Variants in PATJ observed in about 807,000 individuals in gnomAD.
PATJ encodes PATJ crumbs cell polarity complex component, also known as inaD-like protein.
A neutral mutation model predicts 224.9 loss-of-function variants in PATJ; 190 were observed. That is an observed-to-expected ratio of 0.84 (90% confidence interval 0.75 to 0.95). The LOEUF (loss-of-function observed/expected upper bound fraction) is 0.95. Ranked by LOEUF, PATJ falls within the 40% of genes least tolerant of loss-of-function variation. PATJ has a pLI of 0.00. For missense variants in PATJ, 2,121 were observed against 2,270.3 expected (o/e 0.93, Z 1.34); for synonymous variants, 769 against 820.3 (o/e 0.94, Z 1.07).
At chr1:61,967,611 C>T (rs900359688) in intron 27 of PATJ, among the ~76,000 whole-genome samples, 1 of 152,198 alleles carries the variant, frequency 6.6e-6, no homozygotes, top group Admixed American at 6.5e-5. Flanking sequence ...TTTAATCCTT[C>T]TCAGCTTCAC....
chr1:62,081,325 T>G (rs1659252624), intron 32 of PATJ, among the ~76,000 whole-genome samples: 1 of 152,082 alleles, frequency 6.6e-6, no homozygotes. Context: ...CTATAGAAAT[T>G]TTATTCATTT....
In PATJ at chr1:62,070,961, G is replaced by A. The variant is rs10399881; in HGVS notation, c.4126-8489G>A. 6.8e-3 allele frequency among the ~76,000 whole-genome samples: 1,033 copies of A among 152,222 alleles called. 8 individuals carry two copies. Among genetic ancestry groups the A allele is most frequent in the African/African-American group, 0.024 (1,001 of 41,526 alleles). On this transcript the variant is annotated intron_variant, in intron 31 of 43. Transcript: ENST00000642238. ...ACAATGAACAGCTGGGCATAACTTG[G>A]TCACTATCTATTGTATTGTTATACA... is the stretch of plus-strand genomic sequence containing the variant.
At chr1:61,857,606 C>T (rs1225016430) in intron 18 of PATJ, among the ~76,000 whole-genome samples, 2 of 152,204 alleles carry the variant, frequency 1.3e-5, no homozygotes, top group Non-Finnish European at 2.9e-5. Flanking sequence ...TGCCCCCTGG[C>T]TTTGCTATGA....
At chr1:61,998,781 T>C (rs7354833) in intron 28 of PATJ, among the ~76,000 whole-genome samples, 46,264 of 151,968 alleles carry the variant, frequency 0.3, 7,626 homozygotes, top group East Asian at 0.47. Flanking sequence ...TCATTCTTTT[T>C]TGTTTCCTGC....
intron 37 of PATJ, chr1:62,120,777 A>C (rs41289432): frequency 1.8e-5 from 3 of 163,226 alleles, no homozygotes; most frequent in African/African-American, 7.2e-5. Context: ...AGCAAAATAC[A>C]TAATACATTT....
At chr1:62,022,811 C>G (rs1368542655) in intron 29 of PATJ, among the ~76,000 whole-genome samples, 4 of 152,194 alleles carry the variant, frequency 2.6e-5, no homozygotes, top group Non-Finnish European at 5.9e-5. Flanking sequence ...TAAAAGTGGA[C>G]TCACCATGGG....
intron 25 of PATJ, among the ~76,000 whole-genome samples, chr1:61,912,064 C>T (rs1022670098): frequency 6.6e-6 from 1 of 151,224 alleles, no homozygotes; most frequent in African/African-American, 2.4e-5. Flanking sequence ...TGTTTATCAT[C>T]ACGTGTTGCT....
At position 62,148,392 on chromosome 1, in the gene PATJ, T is replaced by C; in HGVS notation, c.5378+2T>C. On this transcript the variant is annotated splice_donor_variant, in intron 42 of 43. Coordinates refer to ENST00000642238, the MANE Select transcript of PATJ (RefSeq NM_001350145.3). LOFTEE classifies it high-confidence loss of function. ...TGAACACCATCCAGAAGACACAGAG[T>C]GAGTATTTCAGATGCAGAGGGCCTA... is the stretch of plus-strand genomic sequence containing the variant. The C allele has an allele frequency of 1.2e-6, 2 of 1,604,196 alleles. No individual in the cohort carries two copies. Among genetic ancestry groups the C allele is most frequent in the Non-Finnish European group, 1.7e-6 (2 of 1,171,422 alleles).
chr1:61,995,884 G>T (rs1027855856), intron 28 of PATJ, among the ~76,000 whole-genome samples: 5 of 152,186 alleles, frequency 3.3e-5, no homozygotes, highest in African/African-American at 1.2e-4. Context: ...TCCCTTCAGT[G>T]CCAATGTAGG....
intron 43 of PATJ, among the ~76,000 whole-genome samples, chr1:62,160,141 T>A (rs192085589): frequency 3.3e-5 from 5 of 152,246 alleles, no homozygotes; most frequent in Non-Finnish European, 5.9e-5. Flanking sequence ...AATCATTTTT[T>A]AAGGTCTTTT....
chr1:61,784,660 AT>A (rs948033388), intron 7 of PATJ, among the ~76,000 whole-genome samples: 4 of 152,294 alleles, frequency 2.6e-5, no homozygotes, highest in Admixed American at 6.5e-5. Flanking sequence ...AGACATATAT[AT>A]TTTTTAATTT....
At chr1:61,911,696 T>TATATATATATATATATATATATATATC (rs1672672915) in intron 25 of PATJ, among the ~76,000 whole-genome samples, 1 of 71,376 alleles carries the variant, frequency 1.4e-5, no homozygotes, top group South Asian at 4.8e-4. Context: ...TATATATTTT[T>TATATATATATATATATATATATATATC]ATATATATAT....
Position 62,114,252 on chromosome 1 carries a change from GA to G in PATJ, c.4655+7del. On this transcript the variant is annotated splice_region_variant and intron_variant, in intron 35 of 43. Transcript: ENST00000642238. ...CTGAGCATCGTTGGGAAACGGTAAA[GA>G]CGTGCTGTGGGAGTTGGGATCTGCC... 2 of 1,613,412 alleles carry G rather than the reference GA, an allele frequency of 1.2e-6. No individual in the cohort carries two copies. The highest frequency in any genetic ancestry group is 3.3e-5 in the Admixed American group (2 of 59,838).
At chr1:62,058,459 C>T (rs1050093021) in intron 31 of PATJ, among the ~76,000 whole-genome samples, 5 of 152,152 alleles carry the variant, frequency 3.3e-5, no homozygotes, top group African/African-American at 1.2e-4. Context: ...ACTTGCTTTT[C>T]CAGATGAAAA....
intron 16 of PATJ, among the ~76,000 whole-genome samples, chr1:61,828,401 G>GTTTT (rs34139565): frequency 7.1e-6 from 1 of 141,054 alleles, no homozygotes. Flanking sequence ...TATGAAAAGA[G>GTTTT]TTTTTTTTTT....
intron 9 of PATJ, among the ~76,000 whole-genome samples, chr1:61,794,713 C>T (rs1050625962): frequency 2.0e-5 from 3 of 151,872 alleles, no homozygotes; most frequent in Admixed American, 6.6e-5. Context: ...CTGGGCCAGG[C>T]GTGGTGACTC....
rs1303941077 is a variant in PATJ, at chr1:61,979,115, A to G, written c.3671-11053A>G. ...CAAGCATGAGTGTTCAGCTGCATCA[A>G]GAGACTGTTCTCTCTCCAATTATTC... On this transcript the variant is annotated intron_variant, in intron 27 of 43. Coordinates refer to ENST00000642238, the MANE Select transcript of PATJ (RefSeq NM_001350145.3). Among the ~76,000 whole-genome samples, 9 of 152,222 alleles carry G rather than the reference A, an allele frequency of 5.9e-5. No individual in the cohort carries two copies. In the East Asian group the frequency reaches 1.3e-3, roughly 23 times the overall value.
intron 33 of PATJ, among the ~76,000 whole-genome samples, chr1:62,088,776 C>T (rs1660344258): frequency 6.7e-6 from 1 of 149,454 alleles, no homozygotes; most frequent in African/African-American, 2.5e-5. Context: ...TGGTGAGGAT[C>T]AGATATCTTA....
chr1:62,117,150 C>T lies in PATJ; in HGVS notation c.4822C>T (p.Gln1608Ter), dbSNP rs776313088. ...TILKCAQGLV[Q>*]LEIGRLRAGS... is the part of the protein sequence containing the mutation. ...TTCCAAGTGTGCACAGGGACTTGTG[C>T]AGCTAGAGATTGGAAGACTCCGAGC... The change falls in exon 37 of 44, where the codon CAG (glutamine) becomes TAG (stop). Residue 1608 changes from glutamine to a stop codon, truncating the protein, a stop_gained. Transcript: ENST00000642238. LOFTEE classifies it high-confidence loss of function. 11 of 1,613,824 alleles carry T rather than the reference C, an allele frequency of 6.8e-6. No individual in the cohort carries two copies. The South Asian group carries it at 1.2e-4, about 18-fold the overall frequency.
Sources: allele counts gnomAD v4.1 joint callset (sites outside exome capture counted in the v4.1 genomes callset), GRCh38; gene constraint gnomAD v4.1.1; transcripts MANE v1.5; gene names NCBI Gene and HGNC (gene_info 2026-07-23, HGNC 2026-07-21).